Variants in PKD1L1 observed in about 807,000 individuals in gnomAD.
The protein encoded by PKD1L1 is polycystin-1-like protein 1.
A neutral mutation model predicts 323.4 loss-of-function variants in PKD1L1; 236 were observed. The observed-to-expected ratio is 0.73, with a 90% CI of 0.66 to 0.81. The LOEUF is 0.81. Among genes scored for constraint, PKD1L1 ranks in the 40% least tolerant of loss-of-function variants. PKD1L1 has a pLI of 0.00. For missense variants in PKD1L1, 3,320 were observed against 3,508.0 expected, an observed-to-expected ratio of 0.95 and a Z score of 1.35; for synonymous variants, 1,344 against 1,335.0, an observed-to-expected ratio of 1.01 and a Z score of -0.15.
intron 6 of PKD1L1, among the ~76,000 whole-genome samples, chr7:47,930,534 T>A (rs2128755620): frequency 9.0e-6 from 1 of 110,566 alleles, no homozygotes; most frequent in South Asian, 3.1e-4. Flanking sequence ...ATACACACAG[T>A]CGGCCGGGTG....
In PKD1L1 at chr7:47,898,128, G is replaced by A; in HGVS notation, c.2131C>T (p.Gln711Ter). The A allele has an allele frequency of 6.2e-7, 1 of 1,614,166 alleles. No homozygotes were observed. The highest frequency in any genetic ancestry group is 8.5e-7 in the Non-Finnish European group (1 of 1,180,030). ...FEAAVFCDISQGLSYTWNLMD... is the reference protein window; with the variant it reads ...FEAAVFCDIS ...AAGTTCCAGGTGTAAGAAAGACCTT[G>A]GGAAATATCACAGAAGACTGCAGCT... Residue 711 changes from glutamine (Q) to a stop codon, truncating the protein, a stop_gained, in exon 14 of 57, where the codon CAA (glutamine) becomes TAA (stop). Transcript: ENST00000289672. LOFTEE classifies it high-confidence loss of function.
chr7:47,952,878 T>C (rs1788224337), upstream of PKD1L1, among the ~76,000 whole-genome samples: 1 of 152,202 alleles, frequency 6.6e-6, no homozygotes, highest in African/African-American at 2.4e-5. Flanking sequence ...GAATTATAAA[T>C]GGCACCTCTC....
At position 47,821,075 on chromosome 7, in the gene PKD1L1, C is replaced by T; in HGVS notation, c.6965+1G>A. On this transcript the variant is annotated splice_donor_variant, in intron 46 of 56. Transcript: ENST00000289672. LOFTEE classifies it high-confidence loss of function. The stretch of plus-strand genomic sequence containing the variant: ...CTGGAAGAGTTACCCAAACCTCCTA[C>T]CTTGTAAATTCTTTCCGGATAGCTT... The T allele has an allele frequency of 1.3e-6, 2 of 1,564,256 alleles. No homozygotes were observed. Among genetic ancestry groups the T allele is most frequent in the African/African-American group, 1.4e-5 (1 of 73,800 alleles).
chr7:47,926,455 T>C (rs1347162764), intron 7 of PKD1L1, among the ~76,000 whole-genome samples: 1 of 152,162 alleles, frequency 6.6e-6, no homozygotes, highest in Non-Finnish European at 1.5e-5. Context: ...CTAAAATGTA[T>C]AAAACCAAGC....
intron 56 of PKD1L1, among the ~76,000 whole-genome samples, chr7:47,786,995 G>A (rs1233951921): frequency 1.3e-5 from 2 of 152,186 alleles, no homozygotes; most frequent in African/African-American, 2.4e-5. Flanking sequence ...TTTGTAGGTG[G>A]TTATTGATAG....
intron 32 of PKD1L1, among the ~76,000 whole-genome samples, chr7:47,846,331 C>T (rs1326773952): frequency 6.6e-6 from 1 of 152,206 alleles, no homozygotes; most frequent in Non-Finnish European, 1.5e-5. Context: ...AGTGACATGA[C>T]TCATATGCCC....
chr7:47,908,814 T>G (rs1171745711), intron 8 of PKD1L1, among the ~76,000 whole-genome samples: 2 of 152,184 alleles, frequency 1.3e-5, no homozygotes, highest in African/African-American at 2.4e-5. Context: ...GGCCAGTGGA[T>G]TTTCAAAGTG....
At chr7:47,949,665 T>C (rs927680179), upstream of PKD1L1, among the ~76,000 whole-genome samples, 1 of 152,180 alleles carries the variant, frequency 6.6e-6, no homozygotes, top group Admixed American at 6.6e-5. Flanking sequence ...CTTCAGAGAT[T>C]TTAGAAAACT....
intron 36 of PKD1L1, among the ~76,000 whole-genome samples, chr7:47,838,452 A>G (rs1237446435): frequency 2.6e-5 from 4 of 152,248 alleles, no homozygotes; most frequent in Non-Finnish European, 4.4e-5. Flanking sequence ...TGTCATTACC[A>G]TAATAAATGA....
chr7:47,858,406 C>T (rs1267878401), intron 27 of PKD1L1, among the ~76,000 whole-genome samples: 1 of 152,070 alleles, frequency 6.6e-6, no homozygotes, highest in Non-Finnish European at 1.5e-5. Context: ...CTGAGTCAAA[C>T]ATCCCAAATA....
In PKD1L1 at chr7:47,866,440, G is replaced by C; in HGVS notation, c.4071C>G (p.Cys1357Trp). Reference protein sequence around the residue: ...RIQDALISSVCRLAFVDQEEM... With the variant: ...RIQDALISSVWRLAFVDQEEM... ...ATACCTGATCTACAAAAGCCAATCT[G>C]CATACTGAAGAAATTAATGCATCCT... is the stretch of plus-strand genomic sequence containing the variant. The change falls in exon 25 of 57, where the codon TGC becomes TGG. Residue 1357 changes from cysteine (C) to tryptophan (W), a missense_variant. Cys to Trp is a radical substitution (Grantham distance 215, BLOSUM62 -2). Coordinates refer to ENST00000289672, the MANE Select transcript of PKD1L1 (RefSeq NM_138295.5). 6.2e-7 allele frequency: 1 copy of C among 1,613,514 alleles called. No homozygotes were observed. Among genetic ancestry groups the C allele is most frequent in the Non-Finnish European group, 8.5e-7 (1 of 1,179,790 alleles).
intron 7 of PKD1L1, among the ~76,000 whole-genome samples, chr7:47,923,640 T>C (rs1159950923): frequency 1.3e-5 from 2 of 151,608 alleles, no homozygotes; most frequent in African/African-American, 4.8e-5. Context: ...AATCTGTGCC[T>C]ACTCTGGCAA....
chr7:47,922,675 C>T (rs1787572994), intron 7 of PKD1L1, among the ~76,000 whole-genome samples: 1 of 151,938 alleles, frequency 6.6e-6, no homozygotes, highest in Non-Finnish European at 1.5e-5. Context: ...CTCCGCCCGG[C>T]AGCTGCCCCG....
chr7:47,808,420 C>T (rs745659868), intron 51 of PKD1L1, 33 bp from the exon 52 acceptor site: 17 of 1,612,288 alleles, frequency 1.1e-5, no homozygotes, highest in Non-Finnish European at 1.4e-5. Context: ...CCTCAGATGG[C>T]TCCTGAGGAA....
intron 3 of PKD1L1, among the ~76,000 whole-genome samples, chr7:47,937,982 C>T (rs563120182): frequency 1.8e-4 from 28 of 152,174 alleles, no homozygotes; most frequent in South Asian, 6.2e-4. Flanking sequence ...TTTTGGCCTA[C>T]GGGAAGCTGG....
chr7:47,859,013 C>T, intron 26 of PKD1L1, 128 bp from the exon 27 acceptor site: 1 of 1,212,508 alleles, frequency 8.2e-7, no homozygotes, highest in Non-Finnish European at 1.2e-6. Context: ...AATAAAGTGC[C>T]TCATGGCATA....
Position 47,902,400 on chromosome 7 carries a change from G to A in PKD1L1, c.2043C>T (p.Asn681=). 3.1e-6 allele frequency: 5 copies of A among 1,614,158 alleles called. No individual in the cohort carries two copies. Among genetic ancestry groups the A allele is most frequent in the South Asian group, 1.1e-5 (1 of 91,082 alleles). ...CTACCTGGACTTTCCCAGGCCCCAT[G>A]TTCTTCACCAGGGGTGGCTGGCAGG... ...CEPCQPPLVK[N]MGPGKVQIWR... Residue 681 remains asparagine, a synonymous_variant, in exon 13 of 57, where the codon AAC becomes AAT. Transcript: ENST00000289672.
rs560246744 is a variant in PKD1L1, at chr7:47,877,921, T to A, written c.3521-290A>T. Among the ~76,000 whole-genome samples, 14 of 151,998 alleles carry A rather than the reference T, an allele frequency of 9.2e-5. No individual in the cohort carries two copies. The East Asian group carries it at 2.7e-3, about 29-fold the overall frequency. Reference sequence around the variant, plus strand: ...ATATGTTCATTAATATAACAAACACTCACTGGGTGGGGCAGGTACTATCCT... The same window carrying A: ...ATATGTTCATTAATATAACAAACACACACTGGGTGGGGCAGGTACTATCCT... On this transcript the variant is annotated intron_variant, in intron 21 of 56. Coordinates refer to ENST00000289672, the MANE Select transcript of PKD1L1 (RefSeq NM_138295.5).
chr7:47,898,858 G>A (rs1476152100), intron 13 of PKD1L1, among the ~76,000 whole-genome samples: 6 of 150,888 alleles, frequency 4.0e-5, no homozygotes, highest in African/African-American at 1.5e-4. Flanking sequence ...ACATACCCTT[G>A]TGCAATTGTT....
Sources: allele counts gnomAD v4.1 joint callset (sites outside exome capture counted in the v4.1 genomes callset), GRCh38; gene constraint gnomAD v4.1.1; transcripts MANE v1.5; gene names NCBI Gene and HGNC (gene_info 2026-07-23, HGNC 2026-07-21).